QTGAL: variants seen among roughly 807,000 people sequenced by gnomAD.
QTGAL encodes BGnT-like protein 1.
At chr17:82,957,644 T>C in the QTGAL span, 1 of 1,139,166 alleles carries the variant, frequency 8.8e-7, no homozygotes, top group Non-Finnish European at 1.2e-6. Flanking sequence ...TGTCCTACAG[T>C]CAGGCCACCT....
the QTGAL span, among the ~76,000 whole-genome samples, chr17:82,989,745 G>A: frequency 6.6e-6 from 1 of 152,094 alleles, no homozygotes; most frequent in African/African-American, 2.4e-5. Context: ...TAAAAGAAAT[G>A]ATGCAAAGGT....
the QTGAL span, among the ~76,000 whole-genome samples, chr17:83,038,719 C>T: frequency 2.0e-5 from 3 of 151,996 alleles, no homozygotes; most frequent in African/African-American, 2.4e-5. Flanking sequence ...ATTAGCCGGG[C>T]GTGGTGGCGG....
At chr17:82,957,546 C>A in the QTGAL span, 6 of 1,544,418 alleles carry the variant, frequency 3.9e-6, no homozygotes, top group Non-Finnish European at 5.3e-6. Flanking sequence ...CAGATGCACA[C>A]AGATGCTGAC....
the QTGAL span, chr17:83,048,782 T>C: frequency 3.1e-6 from 5 of 1,611,424 alleles, no homozygotes; most frequent in African/African-American, 5.3e-5. Context: ...GGGAGGATAA[T>C]AGACTGGAAT....
the QTGAL span, among the ~76,000 whole-genome samples, chr17:82,986,740 T>C: frequency 1.3e-5 from 2 of 152,246 alleles, no homozygotes; most frequent in Non-Finnish European, 2.9e-5. Context: ...TATACTAAGG[T>C]TTCAGTTTTA....
the QTGAL span, among the ~76,000 whole-genome samples, chr17:83,021,141 GAAAC>G: frequency 1.1e-4 from 17 of 152,162 alleles, no homozygotes; most frequent in African/African-American, 3.4e-4. Context: ...TGAAAATGAT[GAAAC>G]AAACAAGAAT....
the QTGAL span, chr17:83,048,415 G>GT: frequency 2.1e-6 from 3 of 1,437,516 alleles, no homozygotes; most frequent in Non-Finnish European, 2.9e-6. Context: ...GTTTCGGTAC[G>GT]TAAGTTGATA....
chr17:83,017,927 G>A, the QTGAL span, among the ~76,000 whole-genome samples: 4 of 144,002 alleles, frequency 2.8e-5, no homozygotes, highest in African/African-American at 5.6e-5. Flanking sequence ...CCACAAACAC[G>A]GTGCGCCTGT....
At chr17:83,034,788 C>A in the QTGAL span, among the ~76,000 whole-genome samples, 1 of 152,228 alleles carries the variant, frequency 6.6e-6, no homozygotes, top group South Asian at 2.1e-4. Context: ...GCCGCCACGT[C>A]AGACATGCGC....
chr17:82,962,355 A>C, the QTGAL span, among the ~76,000 whole-genome samples: 2 of 152,262 alleles, frequency 1.3e-5, no homozygotes, highest in Non-Finnish European at 2.9e-5. Context: ...GTCAAAGAAC[A>C]GACCTCAAAA....
At chr17:82,985,421 C>G in the QTGAL span, among the ~76,000 whole-genome samples, 1 of 152,182 alleles carries the variant, frequency 6.6e-6, no homozygotes, top group Non-Finnish European at 1.5e-5. Context: ...GAACTTCACA[C>G]GTTAATTCCC....
chr17:82,958,505 C>T, the QTGAL span, among the ~76,000 whole-genome samples: 13 of 152,318 alleles, frequency 8.5e-5, no homozygotes, highest in Middle Eastern at 3.4e-3. Context: ...CGCTGTTCTA[C>T]GATTCTGCTG....
the QTGAL span, among the ~76,000 whole-genome samples, chr17:82,967,890 G>A: frequency 1.3e-5 from 2 of 152,070 alleles, no homozygotes; most frequent in Middle Eastern, 3.4e-3. Context: ...AGCTGTGATC[G>A]CACCACAGCA....
At chr17:82,979,536 C>A in the QTGAL span, 20 of 152,240 alleles carry the variant, frequency 1.3e-4, no homozygotes, top group Admixed American at 1.1e-3. Context: ...TTGCCTAAAA[C>A]AAATACTTAG....
the QTGAL span, among the ~76,000 whole-genome samples, chr17:83,018,708 G>A: frequency 6.6e-6 from 1 of 152,184 alleles, no homozygotes; most frequent in East Asian, 1.9e-4. Flanking sequence ...CAATGGGCCG[G>A]GCTCCTGGAA....
the QTGAL span, among the ~76,000 whole-genome samples, chr17:83,002,087 A>G: frequency 6.6e-6 from 1 of 151,214 alleles, no homozygotes; most frequent in African/African-American, 2.4e-5. Flanking sequence ...CCCACACTAT[A>G]CTGGCATGAA....
At chr17:82,944,815 T>C in the QTGAL span, 7 of 152,186 alleles carry the variant, frequency 4.6e-5, no homozygotes, top group Non-Finnish European at 8.8e-5. Context: ...GCTATTTTGA[T>C]AGCAGAATGG....
chr17:82,994,863 A>T, the QTGAL span, among the ~76,000 whole-genome samples: 1 of 152,256 alleles, frequency 6.6e-6, no homozygotes, highest in Non-Finnish European at 1.5e-5. Context: ...GATTTATTCC[A>T]GGGATGCAAG....
the QTGAL span, among the ~76,000 whole-genome samples, chr17:82,970,947 G>C: frequency 1.3e-5 from 2 of 152,214 alleles, no homozygotes; most frequent in Non-Finnish European, 2.9e-5. Context: ...TGTACGCAGA[G>C]AGCATGTGGC....
Sources: gnomAD v4.1 joint callset for allele counts (sites outside exome capture counted in the v4.1 genomes callset) on GRCh38, gnomAD v4.1.1 for gene constraint, MANE v1.5 for transcripts, NCBI Gene and HGNC (gene_info 2026-07-23, HGNC 2026-07-21) for gene names.